Variants in SMIM12 observed in about 807,000 individuals in gnomAD.
SMIM12 encodes UPF0767 protein C1orf212.
Under a neutral mutation model 6.3 loss-of-function variants are expected in SMIM12, and 5 were observed. The observed-to-expected ratio is 0.80, with a 90% CI of 0.42 to 1.68. The LOEUF (loss-of-function observed/expected upper bound fraction) is 1.68. Ranked by LOEUF, SMIM12 falls within the 40% of genes most tolerant of loss-of-function variation. The pLI is 0.02. For synonymous variants in SMIM12, 51 were observed against 48.0 expected, an observed-to-expected ratio of 1.06 and a Z score of -0.26; for missense variants, 103 against 121.4, an observed-to-expected ratio of 0.85 and a Z score of 0.71.
intron 1 of SMIM12, among the ~76,000 whole-genome samples, chr1:34,856,328 G>A (rs1638652463): frequency 6.6e-6 from 1 of 151,486 alleles, no homozygotes; most frequent in Admixed American, 6.6e-5. Flanking sequence ...CCAAAGTGCT[G>A]GAATTACAGG....
At chr1:34,858,246 C>G (rs939614419) in intron 1 of SMIM12, 1 of 152,178 alleles carries the variant, frequency 6.6e-6, no homozygotes, top group African/African-American at 2.4e-5. Context: ...GAATTATTAG[C>G]CCAGACTCTT....
In SMIM12 at chr1:34,852,342, G is replaced by A. The variant is rs1319127141; in HGVS notation, c.*3357C>T. On this transcript the variant is annotated 3_prime_UTR_variant, in exon 2 of 2. Transcript: ENST00000521580. ...GGGAAATGTGTTTGCTATTATTTCT[G>A]TAGGCTTTCCATCCTCACATTTTTC... Among the ~76,000 whole-genome samples the A allele has an allele frequency of 6.6e-6, 1 of 151,406 alleles. No homozygotes were observed. The highest frequency in any genetic ancestry group is 1.5e-5 in the Non-Finnish European group (1 of 67,964).
rs1267970323 is a variant in SMIM12, at chr1:34,852,047, C to G, written c.*3652G>C. ...AGGCAAGAGCACATATACTATCTTA[C>G]AGCCACCGCAACGGCTGATTTCAGC... On this transcript the variant is annotated 3_prime_UTR_variant, in exon 2 of 2. Coordinates refer to ENST00000521580, the MANE Select transcript of SMIM12 (RefSeq NM_138428.6). Among the ~76,000 whole-genome samples the G allele has an allele frequency of 6.6e-6, 1 of 152,210 alleles. No homozygotes were observed. The highest frequency in any genetic ancestry group is 1.5e-5 in the Non-Finnish European group (1 of 68,036).
At position 34,855,076 on chromosome 1, in the gene SMIM12, T is replaced by A; in HGVS notation, c.*623A>T. The stretch of plus-strand genomic sequence containing the variant: ...TCTCAGATACCACTTTAATCAGGTT[T>A]TTCACTATACAGTGATGGGGGTAGA... On this transcript the variant is annotated 3_prime_UTR_variant, in exon 2 of 2. Transcript: ENST00000521580. The A allele has an allele frequency of 7.8e-7, 1 of 1,281,400 alleles. No individual in the cohort carries two copies. Among genetic ancestry groups the A allele is most frequent in the South Asian group, 1.4e-5 (1 of 73,178 alleles). 79.4% of individuals were successfully genotyped at this position (1,281,400 alleles called of 1,614,324 possible).
At position 34,854,022 on chromosome 1, in the gene SMIM12, AC is replaced by A. The variant is rs1557678069; in HGVS notation, c.*1676del. The A allele has an allele frequency of 6.9e-6, 1 of 145,058 alleles. No homozygotes were observed. Among genetic ancestry groups the A allele is most frequent in the Non-Finnish European group, 1.5e-5 (1 of 66,566 alleles). 9.0% of individuals were successfully genotyped at this position (145,058 alleles called of 1,614,324 possible). A position where few individuals can be genotyped will look rare whatever the true frequency, so the allele number is the denominator to read the frequency against. On this transcript the variant is annotated 3_prime_UTR_variant, in exon 2 of 2. Transcript: ENST00000521580. Reference sequence around the variant, plus strand: ...CAACAACAACAAAAAAAAACTACAGACTGCCAGGCACGGTGCCTCACACCTG... The same window carrying A: ...CAACAACAACAAAAAAAAACTACAGATGCCAGGCACGGTGCCTCACACCTG...
In SMIM12 at chr1:34,855,788, T is replaced by G. The variant is rs1571612241; in HGVS notation, c.190A>C (p.Lys64Gln). ...EDRKLDELLGKDHTQVVSLKD... is the reference protein window; with the variant it reads ...EDRKLDELLGQDHTQVVSLKD... ...AGGCTCACCACCTGCGTGTGGTCCT[T>G]GCCTAGAAGCTCATCCAGCTTGCGA... is the stretch of plus-strand genomic sequence containing the variant. The change falls in exon 2 of 2, where the codon AAG becomes CAG. Residue 64 changes from lysine (K) to glutamine (Q), a missense_variant. Physicochemically the swap from Lys to Gln is moderately conservative, Grantham distance 53. Transcript: ENST00000521580. 1.0e-5 allele frequency: 16 copies of G among 1,560,120 alleles called. No individual in the cohort carries two copies. The highest frequency in any genetic ancestry group is 1.3e-5 in the Non-Finnish European group (15 of 1,151,598).
chr1:34,856,796 A>T (rs963427497), intron 1 of SMIM12: 1 of 152,218 alleles, frequency 6.6e-6, no homozygotes, highest in Non-Finnish European at 1.5e-5. Context: ...GCATTACCTA[A>T]TTATTCTGGA....
At position 34,858,865 on chromosome 1, in the gene SMIM12, T is replaced by G. The variant is rs550220037; in HGVS notation, c.-6+812A>C. 7 of 152,340 alleles carry G rather than the reference T, an allele frequency of 4.6e-5. No homozygotes were observed. In the South Asian group the frequency reaches 1.2e-3, roughly 27 times the overall value. The allele number at this position is 152,340 out of a possible 1,614,324, so 9.4% of individuals were successfully genotyped here. A position where few individuals can be genotyped will look rare whatever the true frequency, so the allele number is the denominator to read the frequency against. ...CCTGTCTGCGTTTCTCAAGACACTT[T>G]AAGCTCCAAAAGGCTAAGAACCGTG... On this transcript the variant is annotated intron_variant, in intron 1 of 1. Transcript: ENST00000521580.
Position 34,855,938 on chromosome 1 carries a change from G to C in SMIM12, c.40C>G (p.Pro14Ala). The C allele has an allele frequency of 1.9e-6, 3 of 1,551,464 alleles. No individual in the cohort carries two copies. Among genetic ancestry groups the C allele is most frequent in the Non-Finnish European group, 2.6e-6 (3 of 1,146,846 alleles). The change falls in exon 2 of 2, where the codon CCT (proline) becomes GCT (alanine). Residue 14 changes from proline to alanine, a missense_variant. Pro to Ala is a conservative substitution (Grantham distance 27). Coordinates refer to ENST00000521580, the MANE Select transcript of SMIM12 (RefSeq NM_138428.6). ...VFWTVVRTYA[P>A]YVTFPVAFVV... ...AAGGCAACAGGGAATGTGACATAAG[G>C]AGCATAGGTACGAACCACGGTCCAA... is the stretch of plus-strand genomic sequence containing the variant.
chr1:34,855,353 C>T lies in SMIM12; in HGVS notation c.*346G>A, dbSNP rs545827952. On this transcript the variant is annotated 3_prime_UTR_variant, in exon 2 of 2. Coordinates refer to ENST00000521580, the MANE Select transcript of SMIM12 (RefSeq NM_138428.6). ...ATGCAGGTATCCCTCCTAAAGGCAA[C>T]GCCCAAATCCCAGCCATTCCCACTA... is the stretch of plus-strand genomic sequence containing the variant. 58 of 1,433,734 alleles carry T rather than the reference C, an allele frequency of 4.0e-5. No individual in the cohort carries two copies. The highest frequency in any genetic ancestry group is 4.9e-5 in the Non-Finnish European group (52 of 1,065,306). The allele number at this position is 1,433,734 out of a possible 1,614,324, so 88.8% of individuals were successfully genotyped here.
At chr1:34,856,340 G>A (rs1269878708) in intron 1 of SMIM12, among the ~76,000 whole-genome samples, 5 of 152,126 alleles carry the variant, frequency 3.3e-5, no homozygotes, top group Admixed American at 1.3e-4. Context: ...AATTACAGGC[G>A]TGAGCCACCA....
At position 34,855,819 on chromosome 1, in the gene SMIM12, CCGGCG is replaced by C; in HGVS notation, c.154_158del (p.Arg52GlyfsTer7). ...GAAGCTCATCCAGCTTGCGATCCTC[CCGGCG>C]CTCTGAGATGCTCTTTTCCTCCTCC... On this transcript the variant is annotated frameshift_variant, in exon 2 of 2. Transcript: ENST00000521580. LOFTEE classifies it high-confidence loss of function. 6.4e-7 allele frequency: 1 copy of C among 1,552,548 alleles called. No individual in the cohort carries two copies. Among genetic ancestry groups the C allele is most frequent in the Non-Finnish European group, 8.7e-7 (1 of 1,147,390 alleles).
chr1:34,857,477 A>G (rs143748778), intron 1 of SMIM12: 1 of 152,330 alleles, frequency 6.6e-6, no homozygotes, highest in Non-Finnish European at 1.5e-5. Flanking sequence ...TAGGTGCTTC[A>G]TATACACTCA....
chr1:34,855,627 C>T lies in SMIM12; in HGVS notation c.*72G>A. The T allele has an allele frequency of 6.2e-7, 1 of 1,614,004 alleles. No homozygotes were observed. On this transcript the variant is annotated 3_prime_UTR_variant, in exon 2 of 2. Transcript: ENST00000521580. ...CAACAAAGCCAATTAGATGTGGGTT[C>T]TGGGGCTCTGTCAACATGGTAGCAG...
chr1:34,852,668 A>T lies in SMIM12; in HGVS notation c.*3031T>A, dbSNP rs531845538. The T allele has an allele frequency of 1.9e-3, 286 of 148,266 alleles. No homozygotes were observed. Among genetic ancestry groups the T allele is most frequent in the African/African-American group, 6.6e-3 (265 of 40,394 alleles). 9.2% of individuals were successfully genotyped at this position (148,266 alleles called of 1,614,324 possible). A position where few individuals can be genotyped will look rare whatever the true frequency, so the allele number is the denominator to read the frequency against. ...AACCCTGAATTTCTAGCATCTCTTC[A>T]TTTTTTTTTTTTTACCCCCTCTGGA... On this transcript the variant is annotated 3_prime_UTR_variant, in exon 2 of 2. Transcript: ENST00000521580.
rs1571607621 is a variant in SMIM12 at position 34,852,664 on chromosome 1, C to T, written c.*3035G>A. ...AAAAAACCCTGAATTTCTAGCATCT[C>T]TTCATTTTTTTTTTTTTACCCCCTC... On this transcript the variant is annotated 3_prime_UTR_variant, in exon 2 of 2. Coordinates refer to ENST00000521580, the MANE Select transcript of SMIM12 (RefSeq NM_138428.6). 2.0e-5 allele frequency: 2 copies of T among 101,996 alleles called. No individual in the cohort carries two copies. The highest frequency in any genetic ancestry group is 1.0e-4 in the African/African-American group (2 of 20,034). 6.3% of individuals were successfully genotyped at this position (101,996 alleles called of 1,614,324 possible). A position where few individuals can be genotyped will look rare whatever the true frequency, so the allele number is the denominator to read the frequency against.
Position 34,852,477 on chromosome 1 carries a change from A to AC in SMIM12, c.*3221_*3222insG, listed in dbSNP as rs1638476382. On this transcript the variant is annotated 3_prime_UTR_variant, in exon 2 of 2. Coordinates refer to ENST00000521580, the MANE Select transcript of SMIM12 (RefSeq NM_138428.6). ...TGTTAGATCGCCAAAAAAAAAAAAA[A>AC]AAAAAAAACCATAATTATAGGTGTC... Among the ~76,000 whole-genome samples the AC allele has an allele frequency of 6.7e-6, 1 of 149,168 alleles. No homozygotes were observed. Among genetic ancestry groups the AC allele is most frequent in the Admixed American group, 6.6e-5 (1 of 15,112 alleles).
rs1638537484 is a variant in SMIM12, at chr1:34,853,423, T to G, written c.*2276A>C. 1 of 152,248 alleles carries G rather than the reference T, an allele frequency of 6.6e-6. No homozygotes were observed. The highest frequency in any genetic ancestry group is 6.5e-5 in the Admixed American group (1 of 15,288). 9.4% of individuals were successfully genotyped at this position (152,248 alleles called of 1,614,324 possible). ...CCAGCAACGTCTTCAGTGGTAAGAT[T>G]TAGTAGAAACTCCTAGAGCCCTTTT... On this transcript the variant is annotated 3_prime_UTR_variant, in exon 2 of 2. Coordinates refer to ENST00000521580, the MANE Select transcript of SMIM12 (RefSeq NM_138428.6).
chr1:34,859,231 CCTG>C (rs1157192371), intron 1 of SMIM12, among the ~76,000 whole-genome samples: 5 of 152,250 alleles, frequency 3.3e-5, no homozygotes, highest in Admixed American at 2.0e-4. Flanking sequence ...TGCTGGGAAA[CCTG>C]CCCCAGTGCG....
Sources: allele counts gnomAD v4.1 joint callset (sites outside exome capture counted in the v4.1 genomes callset), GRCh38; gene constraint gnomAD v4.1.1; transcripts MANE v1.5; gene names NCBI Gene and HGNC (gene_info 2026-07-23, HGNC 2026-07-21).